The following WNK2 variants were observed in gnomAD, a reference collection of about 807,000 sequenced individuals.
WNK2 encodes the protein serine/threonine-protein kinase WNK2.
A neutral mutation model predicts 192.1 loss-of-function variants in WNK2; 67 were observed. That is an observed-to-expected ratio of 0.35 (90% CI 0.29 to 0.43). The LOEUF (loss-of-function observed/expected upper bound fraction) is 0.43, where lower values mean the gene tolerates loss of function less well. WNK2 is among the 20% of genes least tolerant of loss of function. The probability of loss-of-function intolerance (pLI) is 1.00; values close to 1 mark genes in which losing one functional copy is unlikely to be tolerated. For synonymous variants in WNK2, 1,439 were observed against 1,393.9 expected, an observed-to-expected ratio of 1.03 and a Z score of -0.72; for missense variants, 2,698 against 3,089.7, an observed-to-expected ratio of 0.87 and a Z score of 3.01.
chr9:93,299,177 C>A lies in WNK2; in HGVS notation c.6031C>A (p.Gln2011Lys), dbSNP rs757009769. The A allele has an allele frequency of 1.2e-6, 2 of 1,610,066 alleles. No individual in the cohort carries two copies. The highest frequency in any genetic ancestry group is 1.7e-5 in the Admixed American group (1 of 59,928). Residue 2011 changes from glutamine (Q) to lysine (K), a missense_variant, in exon 25 of 30, where the codon CAG becomes AAG. Coordinates refer to ENST00000427277, the MANE Select transcript of WNK2 (RefSeq NM_006648.4). ...CCTGAGCGGGAAGGCAGTGCAGACC[C>A]AGCAGCCCTGCTCCGTCCGGGCCTC... ...TGLSGKAVQTQQPCSVRASLS... is the reference protein window; with the variant it reads ...TGLSGKAVQTKQPCSVRASLS...
Position 93,211,239 on chromosome 9 carries a change from CATT to C in WNK2, c.682-18456_682-18454del, listed in dbSNP as rs1563997361. ...TCACTCATCCACTCACTCACTCACT[CATT>C]CACTCACTCACTCATTCACTCATTC... On this transcript the variant is annotated intron_variant, in intron 2 of 29. Coordinates refer to ENST00000427277, the MANE Select transcript of WNK2 (RefSeq NM_006648.4). Among the ~76,000 whole-genome samples, 56 of 19,708 alleles carry C rather than the reference CATT, an allele frequency of 2.8e-3. 2 individuals are homozygous for C. Among genetic ancestry groups the C allele is most frequent in the African/African-American group, 3.2e-3 (15 of 4,718 alleles). The allele number at this position is 19,708 out of a possible 152,430, so 12.9% of individuals were successfully genotyped here.
At chr9:93,219,668 G>A (rs764073693) in intron 2 of WNK2, among the ~76,000 whole-genome samples, 2 of 152,250 alleles carry the variant, frequency 1.3e-5, no homozygotes, top group African/African-American at 2.4e-5. Context: ...GAGTGGGGTC[G>A]CTCAGGTGGA....
intron 29 of WNK2, chr9:93,319,048 C>T (rs1424466588): frequency 6.3e-7 from 1 of 1,581,454 alleles, no homozygotes; most frequent in African/African-American, 1.4e-5. Context: ...TTTCTGTTCT[C>T]TGTACTGGGC....
At chr9:93,199,230 T>C (rs979640685) in intron 2 of WNK2, among the ~76,000 whole-genome samples, 1 of 152,172 alleles carries the variant, frequency 6.6e-6, no homozygotes, top group African/African-American at 2.4e-5. Context: ...GGGCCACCTC[T>C]CTCCCATTCT....
intron 2 of WNK2, among the ~76,000 whole-genome samples, chr9:93,211,234 TCACTC>T (rs1563997292): frequency 8.6e-5 from 1 of 11,646 alleles, no homozygotes; most frequent in African/African-American, 3.4e-4. Flanking sequence ...ACTCACTCAC[TCACTC>T]ATTCACTCAC....
At chr9:93,216,090 C>G (rs141654024) in intron 2 of WNK2, among the ~76,000 whole-genome samples, 1 of 152,154 alleles carries the variant, frequency 6.6e-6, no homozygotes, top group African/African-American at 2.4e-5. Flanking sequence ...ATCCAGACTT[C>G]TAGTATACAG....
chr9:93,258,845 A>G (rs375390791), intron 11 of WNK2, 86 bp from the exon 12 acceptor site: 153 of 1,239,298 alleles, frequency 1.2e-4, no homozygotes, highest in African/African-American at 1.5e-4. Flanking sequence ...CTCGTCCCCA[A>G]TGACTGTGGC....
At chr9:93,242,106 C>T (rs1840873306) in intron 7 of WNK2, among the ~76,000 whole-genome samples, 1 of 152,306 alleles carries the variant, frequency 6.6e-6, no homozygotes, top group East Asian at 1.9e-4. Flanking sequence ...GTGCCTTGGG[C>T]CAGGGCTCTG....
chr9:93,242,675 G>A (rs945601651), intron 7 of WNK2, among the ~76,000 whole-genome samples: 1 of 152,244 alleles, frequency 6.6e-6, no homozygotes, highest in Non-Finnish European at 1.5e-5. Context: ...CTGGCTGGCC[G>A]CTCAGTGGGA....
chr9:93,258,092 A>G (rs993259588), intron 11 of WNK2, among the ~76,000 whole-genome samples: 4 of 152,220 alleles, frequency 2.6e-5, no homozygotes, highest in African/African-American at 7.2e-5. Flanking sequence ...AGGCAGCTTC[A>G]GGGTCTAGTG....
rs982338091 is a variant in WNK2, at chr9:93,231,185, T to C, written c.1075+77T>C. 11 of 1,435,812 alleles carry C rather than the reference T, an allele frequency of 7.7e-6. No individual in the cohort carries two copies. The Admixed American group carries it at 1.9e-4, about 25-fold the overall frequency. 88.9% of individuals were successfully genotyped at this position (1,435,812 alleles called of 1,614,324 possible). A position where few individuals can be genotyped will look rare whatever the true frequency, so the allele number is the denominator to read the frequency against. ...GCAGTGAGTGCTGGCGAGCATCCAG[T>C]TTTGTTCAGACCTGGTGCAGGAGAC... On this transcript the variant is annotated intron_variant, in intron 4 of 29. Coordinates refer to ENST00000427277, the MANE Select transcript of WNK2 (RefSeq NM_006648.4).
intron 19 of WNK2, 183 bp downstream of exon 19, chr9:93,268,929 G>C: frequency 1.3e-6 from 2 of 1,555,812 alleles, no homozygotes; most frequent in Non-Finnish European, 8.7e-7. Context: ...TGCTGAATCA[G>C]CTCAGTCAAA....
At chr9:93,294,316 T>G (rs1849889289) in intron 23 of WNK2, among the ~76,000 whole-genome samples, 1 of 152,160 alleles carries the variant, frequency 6.6e-6, no homozygotes, top group Non-Finnish European at 1.5e-5. Flanking sequence ...CTGGAGCTGC[T>G]GGGAGAGGCA....
At chr9:93,199,326 T>C (rs989210768) in intron 2 of WNK2, among the ~76,000 whole-genome samples, 1 of 152,230 alleles carries the variant, frequency 6.6e-6, no homozygotes, top group Non-Finnish European at 1.5e-5. Context: ...TCCTGGGCTC[T>C]GGACCTGGTG....
At chr9:93,284,209 A>G (rs532780873) in intron 19 of WNK2, among the ~76,000 whole-genome samples, 66 of 152,230 alleles carry the variant, frequency 4.3e-4, no homozygotes, top group Non-Finnish European at 8.5e-4. Flanking sequence ...TTATCAAACT[A>G]GCGTAACTTT....
chr9:93,296,618 C>T (rs1564197913), intron 23 of WNK2, among the ~76,000 whole-genome samples: 1 of 103,952 alleles, frequency 9.6e-6, no homozygotes, highest in African/African-American at 4.0e-5. Flanking sequence ...TCCATCCTCC[C>T]CTCACCTTCC....
intron 8 of WNK2, among the ~76,000 whole-genome samples, chr9:93,249,460 T>C (rs558329717): frequency 9.3e-4 from 142 of 152,016 alleles, no homozygotes; most frequent in Middle Eastern, 6.8e-3. Context: ...ATGGCCATGC[T>C]TCTCAAAAAC....
chr9:93,293,221 AC>A (rs1849660868), intron 23 of WNK2, 48 bp downstream of exon 23: 6 of 1,388,904 alleles, frequency 4.3e-6, no homozygotes, highest in Admixed American at 6.7e-5. Context: ...GGGCCATGGC[AC>A]CCCTTCCCAG....
At chr9:93,221,901 G>A (rs143568618) in intron 2 of WNK2, among the ~76,000 whole-genome samples, 22 of 152,306 alleles carry the variant, frequency 1.4e-4, no homozygotes, top group East Asian at 3.9e-4. Context: ...TCAGATTGCC[G>A]ACATTTGGGT....
Sources: allele counts gnomAD v4.1 joint callset (sites outside exome capture counted in the v4.1 genomes callset), GRCh38; gene constraint gnomAD v4.1.1; transcripts MANE v1.5; gene names NCBI Gene and HGNC (gene_info 2026-07-23, HGNC 2026-07-21).